The following MAOA variants were observed in gnomAD, a reference collection of about 807,000 sequenced individuals.
MAOA encodes the protein monoamine oxidase A.
A neutral mutation model predicts 42.0 loss-of-function variants in MAOA; 6 were observed. The observed-to-expected ratio is 0.14, with a 90% CI of 0.08 to 0.28. The LOEUF is 0.28. MAOA is among the 10% of genes least tolerant of loss of function. The pLI is 1.00. For synonymous variants in MAOA, 140 were observed against 154.0 expected (o/e 0.91, Z 0.67); for missense variants, 262 against 422.3 (o/e 0.62, Z 3.33).
chrX:43,740,330 T>G (rs2033950170), intron 10 of MAOA, among the ~76,000 whole-genome samples: 1 of 112,280 alleles, frequency 8.9e-6, no homozygotes, highest in Non-Finnish European at 1.9e-5. Flanking sequence ...CCAGAAAAGT[T>G]ATATAGAATC....
At chrX:43,727,328 C>T (rs1183159828) in intron 5 of MAOA, among the ~76,000 whole-genome samples, 1 of 112,220 alleles carries the variant, frequency 8.9e-6, no homozygotes, top group East Asian at 2.8e-4. Context: ...ATCTATAAGT[C>T]CCTGACTGGG....
chrX:43,675,203 A>T (rs2033382682), intron 1 of MAOA, among the ~76,000 whole-genome samples: 1 of 110,774 alleles, frequency 9.0e-6, no homozygotes, highest in African/African-American at 3.3e-5. Flanking sequence ...ATCTTCCATC[A>T]CTGATACCCT....
At chrX:43,679,662 G>A (rs755159483) in intron 1 of MAOA, among the ~76,000 whole-genome samples, 1 of 111,302 alleles carries the variant, frequency 9.0e-6, no homozygotes, top group Admixed American at 9.6e-5. Flanking sequence ...CTCCTTACAA[G>A]AGGAGCTGCC....
At chrX:43,703,626 T>C (rs1287500819) in intron 3 of MAOA, among the ~76,000 whole-genome samples, 1 of 112,078 alleles carries the variant, frequency 8.9e-6, no homozygotes, top group Non-Finnish European at 1.9e-5. Context: ...GAAGAATGCC[T>C]AGGGGAATAT....
At chrX:43,705,811 A>G (rs1234389430) in intron 3 of MAOA, among the ~76,000 whole-genome samples, 2 of 112,278 alleles carry the variant, frequency 1.8e-5, no homozygotes, top group Non-Finnish European at 3.8e-5. Flanking sequence ...TTGAATAGAT[A>G]CTTTGCCAAA....
At position 43,656,417 on chromosome X, in the gene MAOA, C is replaced by A; in HGVS notation, c.73+3C>A. ...CGTGATCGGAGGTGGCATTTCAGGT[C>A]AGTGTGGACCGTAGCGGTGGCCTGG... On this transcript the variant is annotated splice_donor_region_variant and intron_variant, in intron 1 of 14. Coordinates refer to ENST00000338702, the MANE Select transcript of MAOA (RefSeq NM_000240.4). 8.3e-7 allele frequency: 1 copy of A among 1,208,698 alleles called. No homozygotes were observed. Among genetic ancestry groups the A allele is most frequent in the Non-Finnish European group, 1.1e-6 (1 of 892,819 alleles).
chrX:43,673,817 G>T (rs960510813), intron 1 of MAOA, among the ~76,000 whole-genome samples: 8 of 112,028 alleles, frequency 7.1e-5, no homozygotes, highest in African/African-American at 2.6e-4. Flanking sequence ...GAGACAGTTT[G>T]TTATAATTTC....
intron 5 of MAOA, among the ~76,000 whole-genome samples, chrX:43,718,489 G>A (rs1217138411): frequency 9.2e-6 from 1 of 109,230 alleles, no homozygotes; most frequent in Admixed American, 9.7e-5. Context: ...GGGAAGCCTA[G>A]ATGTTTTAGG....
Position 43,656,328 on chromosome X carries a change from G to T in MAOA, c.-14G>T. On this transcript the variant is annotated 5_prime_UTR_variant, in exon 1 of 15. Coordinates refer to ENST00000338702, the MANE Select transcript of MAOA (RefSeq NM_000240.4). ...ACTCCTGTGCCTACGACCCAGGAGC[G>T]TGTCAGCCAAAGCATGGAGAATCAA... 2 of 1,209,022 alleles carry T rather than the reference G, an allele frequency of 1.7e-6. No homozygotes were observed. Among genetic ancestry groups the T allele is most frequent in the South Asian group, 1.8e-5 (1 of 56,931 alleles).
At chrX:43,670,439 T>G (rs2033319623) in intron 1 of MAOA, among the ~76,000 whole-genome samples, 2 of 111,080 alleles carry the variant, frequency 1.8e-5, no homozygotes, top group Admixed American at 1.9e-4. Context: ...GTTTTATGTA[T>G]TTAATTTTTA....
intron 1 of MAOA, among the ~76,000 whole-genome samples, chrX:43,657,273 T>TTATATA (rs397717487): frequency 0.017 from 1,338 of 79,414 alleles, 102 homozygotes; most frequent in Middle Eastern, 0.027. Flanking sequence ...TGAACTGTGT[T>TTATATA]TATATATATA....
At chrX:43,680,619 T>C (rs1569191883) in intron 1 of MAOA, among the ~76,000 whole-genome samples, 2 of 110,918 alleles carry the variant, frequency 1.8e-5, no homozygotes, top group East Asian at 5.7e-4. Flanking sequence ...GGTGTGTGCT[T>C]CCATCAAGAG....
At chrX:43,680,444 A>G (rs910597541) in intron 1 of MAOA, among the ~76,000 whole-genome samples, 2 of 111,448 alleles carry the variant, frequency 1.8e-5, no homozygotes, top group African/African-American at 6.5e-5. Context: ...ATTTCATCCC[A>G]GTAGTATTAT....
intron 11 of MAOA, 67 bp downstream of exon 11, chrX:43,740,805 C>A: frequency 1.0e-6 from 1 of 996,784 alleles, no homozygotes. Context: ...TAAAGCAAAG[C>A]ATATTCTGAT....
chrX:43,661,927 C>G (rs761194413), intron 1 of MAOA, among the ~76,000 whole-genome samples: 11 of 111,484 alleles, frequency 9.9e-5, no homozygotes, highest in African/African-American at 3.6e-4. Flanking sequence ...ATAAAACCAG[C>G]AGGAATGAAT....
intron 5 of MAOA, among the ~76,000 whole-genome samples, chrX:43,721,494 G>A (rs1380804242): frequency 9.0e-6 from 1 of 110,504 alleles, no homozygotes; most frequent in African/African-American, 3.3e-5. Flanking sequence ...GCCCTCATTG[G>A]CTATAGTGTG....
Position 43,683,624 on chromosome X carries a change from CT to C in MAOA, c.168+19del. ...ACTATAAGGGTAAGTGATTTTAATACTTACATGTAATGTAATATCTCACTCA... is the reference window on the plus strand; with the variant it reads ...ACTATAAGGGTAAGTGATTTTAATACTACATGTAATGTAATATCTCACTCA... On this transcript the variant is annotated intron_variant, in intron 2 of 14. Transcript: ENST00000338702. 8.9e-7 allele frequency: 1 copy of C among 1,117,397 alleles called. No individual in the cohort carries two copies. The highest frequency in any genetic ancestry group is 1.2e-6 in the Non-Finnish European group (1 of 810,010). 92.1% of individuals were successfully genotyped at this position (1,117,397 alleles called of 1,213,427 possible). A position where few individuals can be genotyped will look rare whatever the true frequency, so the allele number is the denominator to read the frequency against.
At chrX:43,676,112 C>A (rs767217687) in intron 1 of MAOA, among the ~76,000 whole-genome samples, 2 of 112,396 alleles carry the variant, frequency 1.8e-5, no homozygotes, top group South Asian at 3.7e-4. Flanking sequence ...TCAAGCTTCC[C>A]GGCTGCTTTG....
intron 6 of MAOA, among the ~76,000 whole-genome samples, chrX:43,730,697 CT>C (rs930077659): frequency 1.8e-5 from 2 of 109,875 alleles, no homozygotes; most frequent in African/African-American, 3.3e-5. Flanking sequence ...CCCGGCCCTT[CT>C]TCCCATTCTT....
Sources: gnomAD v4.1 joint callset for allele counts (sites outside exome capture counted in the v4.1 genomes callset) on GRCh38, gnomAD v4.1.1 for gene constraint, MANE v1.5 for transcripts, NCBI Gene and HGNC (gene_info 2026-07-23, HGNC 2026-07-21) for gene names.